Variants in RASGEF1C observed in about 807,000 individuals in gnomAD.
RASGEF1C encodes RasGEF domain family member 1C.
Under a neutral mutation model 58.1 loss-of-function variants are expected in RASGEF1C, and 27 were observed. The ratio of observed to expected loss-of-function variants is 0.46; its 90% CI spans 0.34 to 0.64. The LOEUF (loss-of-function observed/expected upper bound fraction) is 0.64, where lower values mean the gene tolerates loss of function less well. Among genes scored for constraint, RASGEF1C ranks in the 30% least tolerant of loss-of-function variants. The pLI is 0.01. For missense variants in RASGEF1C, 502 were observed against 605.1 expected (o/e 0.83, Z 1.79); for synonymous variants, 243 against 246.3 (o/e 0.99, Z 0.13).
intron 1 of RASGEF1C, among the ~76,000 whole-genome samples, chr5:180,205,420 C>T (rs1022592925): frequency 6.6e-6 from 1 of 152,116 alleles, no homozygotes; most frequent in Non-Finnish European, 1.5e-5. Context: ...TCAAAACACT[C>T]CTAGAAGTAG....
At chr5:180,170,649 C>T (rs1767094736) in intron 1 of RASGEF1C, among the ~76,000 whole-genome samples, 2 of 152,136 alleles carry the variant, frequency 1.3e-5, no homozygotes, top group East Asian at 3.9e-4. Context: ...TCCGGAGGTC[C>T]CTGTGGCAGT....
At chr5:180,206,497 GGA>G (rs1214945735) in intron 1 of RASGEF1C, among the ~76,000 whole-genome samples, 3 of 152,144 alleles carry the variant, frequency 2.0e-5, no homozygotes, top group Non-Finnish European at 4.4e-5. Flanking sequence ...ATCGGTGGTG[GGA>G]ATGCAAAACG....
At chr5:180,206,323 G>A (rs1756487097) in intron 1 of RASGEF1C, among the ~76,000 whole-genome samples, 1 of 152,104 alleles carries the variant, frequency 6.6e-6, no homozygotes, top group Non-Finnish European at 1.5e-5. Context: ...CTTTATAATT[G>A]GGCTTTTCAT....
intron 6 of RASGEF1C, among the ~76,000 whole-genome samples, chr5:180,122,989 C>T (rs1014652783): frequency 6.6e-6 from 1 of 152,072 alleles, no homozygotes; most frequent in African/African-American, 2.4e-5. Context: ...CTGCTTGCCA[C>T]TTTCAAGAGA....
intron 4 of RASGEF1C, among the ~76,000 whole-genome samples, chr5:180,134,765 CT>C (rs1766439062): frequency 6.7e-6 from 1 of 148,492 alleles, no homozygotes; most frequent in Non-Finnish European, 1.5e-5. Flanking sequence ...TCACCCACCT[CT>C]TTTACAGTGA....
rs996748735 is a variant in RASGEF1C, at chr5:180,155,034, G to C, written c.-6-16976C>G. ...CTGGGGGACAACCTGAGTACTTGAA[G>C]CCACAGTGTGACTCTTGGAAGCCTC... On this transcript the variant is annotated intron_variant, in intron 1 of 13. Transcript: ENST00000361132. This position sits in a 1 kb window ranked among gnomAD's most constrained non-coding sequence, Gnocchi z 5.2. Among the ~76,000 whole-genome samples the C allele has an allele frequency of 1.3e-5, 2 of 152,194 alleles. No homozygotes were observed. Among genetic ancestry groups the C allele is most frequent in the African/African-American group, 2.4e-5 (1 of 41,464 alleles).
At chr5:180,116,770 G>A (rs967115737) in intron 10 of RASGEF1C, among the ~76,000 whole-genome samples, 10 of 152,228 alleles carry the variant, frequency 6.6e-5, no homozygotes, top group South Asian at 2.1e-4. Context: ...CCTGTACACC[G>A]ACTCTGCATC....
intron 1 of RASGEF1C, among the ~76,000 whole-genome samples, chr5:180,157,220 TTCTAGCAG>T (rs1215092543): frequency 1.3e-5 from 2 of 152,224 alleles, no homozygotes; most frequent in Non-Finnish European, 2.9e-5. Flanking sequence ...ACACAGGTGT[TTCTAGCAG>T]TATTATCATA....
intron 1 of RASGEF1C, among the ~76,000 whole-genome samples, chr5:180,183,678 G>C (rs940859944): frequency 6.6e-6 from 1 of 151,972 alleles, no homozygotes; most frequent in Non-Finnish European, 1.5e-5. Context: ...TACAAAATTA[G>C]CCGGGTGTGG....
intron 10 of RASGEF1C, among the ~76,000 whole-genome samples, 169 bp from the exon 11 acceptor site, chr5:180,114,710 G>A (rs1019236891): frequency 8.5e-5 from 13 of 152,220 alleles, no homozygotes; most frequent in African/African-American, 2.7e-4. Flanking sequence ...GGGACTTCAC[G>A]GGTTACGAGG....
intron 7 of RASGEF1C, 22 bp from the exon 8 acceptor site, chr5:180,119,470 C>A (rs1380623342): frequency 6.3e-7 from 1 of 1,594,474 alleles, no homozygotes; most frequent in Non-Finnish European, 8.6e-7. Flanking sequence ...GCAGCAGAGC[C>A]TCAGTGGTGA....
intron 1 of RASGEF1C, among the ~76,000 whole-genome samples, chr5:180,176,229 T>C (rs961795578): frequency 1.3e-5 from 2 of 152,192 alleles, no homozygotes; most frequent in Non-Finnish European, 2.9e-5. Flanking sequence ...AGGTGGGCCC[T>C]GGAGGCAGGG....
At chr5:180,108,298 T>C (rs982779283) in intron 12 of RASGEF1C, among the ~76,000 whole-genome samples, 1 of 151,582 alleles carries the variant, frequency 6.6e-6, no homozygotes, top group Admixed American at 6.6e-5. Context: ...ACCTCTTTGG[T>C]TCAAGTGATT....
intron 12 of RASGEF1C, among the ~76,000 whole-genome samples, chr5:180,104,554 G>A (rs565089540): frequency 4.0e-4 from 61 of 152,242 alleles, no homozygotes; most frequent in Middle Eastern, 3.4e-3. Context: ...GAATTACCCA[G>A]TCTAAGGTAT....
At chr5:180,147,008 C>G (rs1456883194) in intron 1 of RASGEF1C, among the ~76,000 whole-genome samples, 1 of 151,850 alleles carries the variant, frequency 6.6e-6, no homozygotes, top group Non-Finnish European at 1.5e-5. Flanking sequence ...GGTCTATTTA[C>G]GGTTTCTAAT....
At position 180,118,834 on chromosome 5, in the gene RASGEF1C, T is replaced by G; in HGVS notation, c.940A>C (p.Lys314Gln). 6.2e-7 allele frequency: 1 copy of G among 1,614,206 alleles called. No homozygotes were observed. The highest frequency in any genetic ancestry group is 1.3e-5 in the African/African-American group (1 of 75,052). Residue 314 changes from lysine to glutamine, a missense_variant, in exon 9 of 14, where the codon AAG becomes CAG. By Grantham distance (53) the Lys-to-Gln change is moderately conservative. Coordinates refer to ENST00000361132, the MANE Select transcript of RASGEF1C (RefSeq NM_175062.4). ...GTCCTCACTTTGGCCCAGGTCTTCT[T>G]CAGCCTGGAGACAGGGCTCATGTTC... is the stretch of plus-strand genomic sequence containing the variant. Reference protein sequence around the residue: ...GMNMSPVSRLKKTWAKVRTAK... With the variant: ...GMNMSPVSRLQKTWAKVRTAK...
intron 1 of RASGEF1C, among the ~76,000 whole-genome samples, chr5:180,138,830 A>G (rs988551775): frequency 1.3e-5 from 2 of 152,064 alleles, no homozygotes; most frequent in African/African-American, 4.8e-5. Flanking sequence ...ACCACTGCAC[A>G]TGCCGTTCCC....
intron 1 of RASGEF1C, among the ~76,000 whole-genome samples, chr5:180,141,773 G>C (rs1033440671): frequency 7.6e-5 from 11 of 145,428 alleles, no homozygotes; most frequent in African/African-American, 2.6e-4. Context: ...GTAGTGGCAC[G>C]ATCTTTGCTC....
Position 180,138,029 on chromosome 5 carries a change from G to A in RASGEF1C, c.24C>T (p.Ser8=), listed in dbSNP as rs759875920. Residue 8 remains serine, a synonymous_variant, in exon 2 of 14, where the codon TCC becomes TCT. Coordinates refer to ENST00000361132, the MANE Select transcript of RASGEF1C (RefSeq NM_175062.4). ...TGAGGCTGCCTGGGGTGACCATGTC[G>A]GAGGCACTCAGCGTCTGTGGCATGT... MPQTLSA[S]DMVTPGSLSP... 1.2e-5 allele frequency: 19 copies of A among 1,533,414 alleles called. No individual in the cohort carries two copies. Among genetic ancestry groups the A allele is most frequent in the African/African-American group, 1.1e-4 (8 of 70,908 alleles). The allele number at this position is 1,533,414 out of a possible 1,614,324, so 95.0% of individuals were successfully genotyped here.
Sources: allele counts gnomAD v4.1 joint callset (sites outside exome capture counted in the v4.1 genomes callset), GRCh38; gene constraint gnomAD v4.1.1; non-coding constraint Gnocchi (gnomAD v3.1); transcripts MANE v1.5; gene names NCBI Gene and HGNC (gene_info 2026-07-23, HGNC 2026-07-21).